Variants in CCM2 observed in about 807,000 individuals in gnomAD.
The protein encoded by CCM2 is cerebral cavernous malformations 2 protein.
CCM2 carries 25 observed loss-of-function variants against 44.9 expected under a neutral mutation model. The ratio of observed to expected loss-of-function variants is 0.56; its 90% CI spans 0.41 to 0.78. The LOEUF is 0.78. Ranked by LOEUF, CCM2 falls within the 30% of genes least tolerant of loss-of-function variation. The pLI is 0.00. For synonymous variants in CCM2, 219 were observed against 241.1 expected (o/e 0.91, Z 0.85); for missense variants, 481 against 580.6 (o/e 0.83, Z 1.76).
chr7:45,072,871 C>T (rs1799147898), intron 7 of CCM2, 88 bp downstream of exon 7: 1 of 1,105,532 alleles, frequency 9.0e-7, no homozygotes, highest in Admixed American at 1.7e-5. Context: ...GTCAGCTCCC[C>T]CATCTCAGCT....
chr7:45,002,348 C>G (rs1285324506), intron 1 of CCM2, among the ~76,000 whole-genome samples: 1 of 152,154 alleles, frequency 6.6e-6, no homozygotes, highest in African/African-American at 2.4e-5. Context: ...AAGGCTCGAT[C>G]ACTTTAGCTC....
chr7:45,007,524 C>T (rs911914495), intron 1 of CCM2, among the ~76,000 whole-genome samples: 3 of 152,034 alleles, frequency 2.0e-5, no homozygotes, highest in African/African-American at 7.2e-5. Context: ...TTTCCTTAGC[C>T]TTGTGTCTGT....
chr7:45,051,383 GTATTTATTTATT>G (rs71565942), intron 2 of CCM2, among the ~76,000 whole-genome samples: 33,937 of 150,550 alleles, frequency 0.23, 3,815 homozygotes, highest in Admixed American at 0.26. Flanking sequence ...GGATGCTTGG[GTATTTATTTATT>G]TATTTATTTA....
chr7:45,058,376 T>A (rs1377723583), intron 2 of CCM2, among the ~76,000 whole-genome samples: 3 of 152,112 alleles, frequency 2.0e-5, no homozygotes, highest in African/African-American at 7.2e-5. Context: ...CGTGCAGGTT[T>A]GTTACATATG....
At chr7:45,009,725 A>G (rs150836708) in intron 1 of CCM2, among the ~76,000 whole-genome samples, 2 of 152,126 alleles carry the variant, frequency 1.3e-5, no homozygotes, top group Non-Finnish European at 2.9e-5. Context: ...GTTTTATCCC[A>G]TATCTAGCAT....
intron 1 of CCM2, among the ~76,000 whole-genome samples, chr7:45,001,946 T>G (rs899195372): frequency 1.3e-5 from 2 of 152,190 alleles, no homozygotes; most frequent in Admixed American, 6.5e-5. Flanking sequence ...GGTTTTGTGT[T>G]TTTTCTGTAT....
intron 2 of CCM2, among the ~76,000 whole-genome samples, chr7:45,057,889 G>GC (rs1798339288): frequency 6.6e-6 from 1 of 152,188 alleles, no homozygotes; most frequent in Non-Finnish European, 1.5e-5. Flanking sequence ...TTATGGAGCT[G>GC]CCCAGCACAC....
chr7:45,076,276 AC>A lies in CCM2; in HGVS notation c.*221del. On this transcript the variant is annotated 3_prime_UTR_variant, in exon 10 of 10. Coordinates refer to ENST00000258781, the MANE Select transcript of CCM2 (RefSeq NM_031443.4). ...GGGTGGAAGGCTCTTTGCCTTGTCC[AC>A]CAGGGCTCAGCCAAGCCCTGCAGTG... 1 of 726,390 alleles carries A rather than the reference AC, an allele frequency of 1.4e-6. No homozygotes were observed. The highest frequency in any genetic ancestry group is 2.4e-6 in the Non-Finnish European group (1 of 413,642). 45.0% of individuals were successfully genotyped at this position (726,390 alleles called of 1,614,324 possible). A position where few individuals can be genotyped will look rare whatever the true frequency, so the allele number is the denominator to read the frequency against.
At chr7:45,026,894 C>T (rs1796713667) in intron 1 of CCM2, 1 of 152,314 alleles carries the variant, frequency 6.6e-6, no homozygotes, top group Admixed American at 6.5e-5. Flanking sequence ...TGAGCCACCG[C>T]ACCCAGCCAA....
intron 1 of CCM2, among the ~76,000 whole-genome samples, chr7:45,000,994 A>G (rs1027154606): frequency 6.6e-6 from 1 of 152,266 alleles, no homozygotes; most frequent in African/African-American, 2.4e-5. Context: ...TGTGGATTGA[A>G]CTACCATTAA....
chr7:45,039,208 A>C (rs947414899), intron 2 of CCM2, among the ~76,000 whole-genome samples: 3 of 152,208 alleles, frequency 2.0e-5, no homozygotes, highest in Non-Finnish European at 4.4e-5. Flanking sequence ...GGGGCTTTGG[A>C]CGTGCAGAAA....
At chr7:45,061,931 G>C (rs1798545092) in intron 2 of CCM2, among the ~76,000 whole-genome samples, 1 of 152,142 alleles carries the variant, frequency 6.6e-6, no homozygotes, top group Non-Finnish European at 1.5e-5. Context: ...TATTCCCCTG[G>C]AGTTTTTGTC....
intron 1 of CCM2, among the ~76,000 whole-genome samples, chr7:45,033,033 A>G (rs914700588): frequency 2.1e-5 from 3 of 143,240 alleles, no homozygotes; most frequent in Non-Finnish European, 3.0e-5. Flanking sequence ...GACAAGAGCA[A>G]AACTCCGTCT....
chr7:45,024,319 C>T (rs1419207969), intron 1 of CCM2, among the ~76,000 whole-genome samples: 1 of 152,200 alleles, frequency 6.6e-6, no homozygotes, highest in African/African-American at 2.4e-5. Flanking sequence ...TGTGGAGTTT[C>T]ATCTCTGCAT....
chr7:45,074,133 G>A (rs919868413), intron 8 of CCM2, 137 bp from the exon 9 acceptor site: 42 of 1,528,356 alleles, frequency 2.7e-5, no homozygotes, highest in Middle Eastern at 2.1e-4. Context: ...TGGTCATTCT[G>A]ATGCCCCAGC....
intron 1 of CCM2, among the ~76,000 whole-genome samples, chr7:45,018,239 G>A (rs12667775): frequency 6.6e-6 from 1 of 152,002 alleles, no homozygotes; most frequent in Admixed American, 6.6e-5. Context: ...TGCTGTGTGC[G>A]GCCTGGCTCC....
At chr7:45,032,180 C>T (rs558167053) in intron 1 of CCM2, among the ~76,000 whole-genome samples, 1 of 152,216 alleles carries the variant, frequency 6.6e-6, no homozygotes, top group South Asian at 2.1e-4. Context: ...AAGGCTTACC[C>T]ATCAATTAAA....
At chr7:45,024,417 C>T (rs1796607032) in intron 1 of CCM2, among the ~76,000 whole-genome samples, 1 of 152,156 alleles carries the variant, frequency 6.6e-6, no homozygotes, top group Admixed American at 6.5e-5. Flanking sequence ...TGGAATCTTA[C>T]AGATTTTCCT....
At chr7:45,074,599 C>T (rs1357726570) in intron 9 of CCM2, among the ~76,000 whole-genome samples, 191 bp downstream of exon 9, 1 of 152,122 alleles carries the variant, frequency 6.6e-6, no homozygotes, top group African/African-American at 2.4e-5. Context: ...GTCAGAAGGG[C>T]TTTTCCCAGG....
Sources: gnomAD v4.1 joint callset for allele counts (sites outside exome capture counted in the v4.1 genomes callset) on GRCh38, gnomAD v4.1.1 for gene constraint, MANE v1.5 for transcripts, NCBI Gene and HGNC (gene_info 2026-07-23, HGNC 2026-07-21) for gene names.